Variants in CDH20 observed in about 807,000 individuals in gnomAD.
The protein encoded by CDH20 is cadherin 20.
A neutral mutation model predicts 74.2 loss-of-function variants in CDH20; 29 were observed. That is an observed-to-expected ratio of 0.39 (90% CI 0.29 to 0.53). The LOEUF (loss-of-function observed/expected upper bound fraction) is 0.53. CDH20 is among the 20% of genes least tolerant of loss of function. CDH20 has a pLI of 0.69. For missense variants in CDH20, 988 were observed against 1,048.3 expected, an observed-to-expected ratio of 0.94 and a Z score of 0.79; for synonymous variants, 469 against 405.4, an observed-to-expected ratio of 1.16 and a Z score of -1.88.
intron 1 of CDH20, among the ~76,000 whole-genome samples, chr18:61,469,645 T>G (rs1004149735): frequency 6.6e-6 from 1 of 152,212 alleles, no homozygotes; most frequent in African/African-American, 2.4e-5. Flanking sequence ...GCAGGGAGCT[T>G]GTGGCATTTT....
intron 6 of CDH20, among the ~76,000 whole-genome samples, chr18:61,509,178 C>T (rs1911690814): frequency 1.3e-5 from 2 of 152,102 alleles, no homozygotes; most frequent in African/African-American, 2.4e-5. Flanking sequence ...CACTAAAGAA[C>T]TTACTCATGT....
intron 6 of CDH20, among the ~76,000 whole-genome samples, chr18:61,517,387 C>T (rs1362729524): frequency 3.3e-5 from 5 of 152,272 alleles, no homozygotes; most frequent in South Asian, 2.1e-4. Flanking sequence ...CTGAGGTACC[C>T]GGCTCATCTC....
At position 61,434,680 on chromosome 18, in the gene CDH20, C is replaced by G. The variant is rs141941384; in HGVS notation, c.-152-55722C>G. The stretch of plus-strand genomic sequence containing the variant: ...GTGGGCTGCTCACTGTGCCTGCACC[C>G]CAAGCTCCCTGAGCCAGAACTTTCT... On this transcript the variant is annotated intron_variant, in intron 1 of 11. Transcript: ENST00000262717. 3.7e-4 allele frequency among the ~76,000 whole-genome samples: 56 copies of G among 152,102 alleles called. 1 individual carries two copies. In the East Asian group the frequency reaches 9.9e-3, roughly 27 times the overall value.
intron 1 of CDH20, among the ~76,000 whole-genome samples, chr18:61,340,715 AC>A (rs1169022014): frequency 6.6e-6 from 1 of 152,172 alleles, no homozygotes; most frequent in Non-Finnish European, 1.5e-5. Context: ...GCGTCTTTGA[AC>A]CCCTCACCAA....
chr18:61,531,481 TTTTTA>T (rs1003837168), intron 7 of CDH20, among the ~76,000 whole-genome samples: 44 of 152,258 alleles, frequency 2.9e-4, no homozygotes, highest in African/African-American at 1.0e-3. Flanking sequence ...AATCGGTGTT[TTTTTA>T]TTTTATATTA....
intron 6 of CDH20, among the ~76,000 whole-genome samples, chr18:61,521,893 A>T (rs1330374861): frequency 6.6e-6 from 1 of 152,182 alleles, no homozygotes; most frequent in Non-Finnish European, 1.5e-5. Context: ...TAAAAACTCT[A>T]AATAAACTAG....
At chr18:61,379,861 T>C (rs900481769) in intron 1 of CDH20, among the ~76,000 whole-genome samples, 7 of 152,196 alleles carry the variant, frequency 4.6e-5, no homozygotes, top group Non-Finnish European at 7.4e-5. Context: ...AGGTCTTTGA[T>C]GGTTTCATTT....
chr18:61,435,731 A>T (rs746570971), intron 1 of CDH20, among the ~76,000 whole-genome samples: 26 of 150,050 alleles, frequency 1.7e-4, no homozygotes, highest in African/African-American at 5.6e-4. Context: ...TTATAACATA[A>T]ATATAAAAAA....
At chr18:61,538,578 C>CTTTGTTTTTTTTTTCTT (rs1555684264) in intron 8 of CDH20, among the ~76,000 whole-genome samples, 1 of 34,994 alleles carries the variant, frequency 2.9e-5, no homozygotes, top group Non-Finnish European at 7.6e-5. Flanking sequence ...TAAATAACTA[C>CTTTGTTTTTTTTTTCTT]TTTTTGTTTG....
chr18:61,529,898 G>A (rs369189626), intron 7 of CDH20, among the ~76,000 whole-genome samples: 4 of 152,166 alleles, frequency 2.6e-5, no homozygotes, highest in Non-Finnish European at 4.4e-5. Context: ...GTTAGCATCA[G>A]GGAGGTTCAT....
At chr18:61,462,271 A>G (rs759222050) in intron 1 of CDH20, among the ~76,000 whole-genome samples, 2 of 152,202 alleles carry the variant, frequency 1.3e-5, no homozygotes, top group Non-Finnish European at 2.9e-5. Context: ...ACATATATCA[A>G]AACATCACCT....
intron 1 of CDH20, among the ~76,000 whole-genome samples, chr18:61,484,661 G>C (rs1910693994): frequency 6.6e-6 from 1 of 151,134 alleles, no homozygotes; most frequent in Non-Finnish European, 1.5e-5. Context: ...TTTTATTATG[G>C]GACTGACCAA....
At chr18:61,426,904 G>A (rs965921333) in intron 1 of CDH20, among the ~76,000 whole-genome samples, 1 of 152,120 alleles carries the variant, frequency 6.6e-6, no homozygotes, top group Non-Finnish European at 1.5e-5. Context: ...AGCCCTGAAC[G>A]AGGGAGCGTA....
intron 2 of CDH20, among the ~76,000 whole-genome samples, chr18:61,492,954 C>T (rs1187044951): frequency 6.6e-6 from 1 of 152,188 alleles, no homozygotes; most frequent in Non-Finnish European, 1.5e-5. Flanking sequence ...TAAGCTAATG[C>T]ATGTAAAGCA....
At chr18:61,553,542 A>G (rs558016803) in intron 11 of CDH20, among the ~76,000 whole-genome samples, 4 of 152,312 alleles carry the variant, frequency 2.6e-5, no homozygotes, top group Admixed American at 2.6e-4. Flanking sequence ...GGGTCCAGAA[A>G]GCCACAACCA....
At chr18:61,473,687 T>C (rs1480301675) in intron 1 of CDH20, among the ~76,000 whole-genome samples, 1 of 152,170 alleles carries the variant, frequency 6.6e-6, no homozygotes, top group Admixed American at 6.5e-5. Flanking sequence ...GGTATTTACA[T>C]ATCAGAAAGG....
At chr18:61,457,780 C>T (rs1455217672) in intron 1 of CDH20, among the ~76,000 whole-genome samples, 1 of 151,942 alleles carries the variant, frequency 6.6e-6, no homozygotes, top group Non-Finnish European at 1.5e-5. Context: ...TGAGGAAAAC[C>T]AAAACTTAAA....
chr18:61,539,990 G>A (rs1300484001), intron 9 of CDH20, among the ~76,000 whole-genome samples: 1 of 152,146 alleles, frequency 6.6e-6, no homozygotes. Context: ...ATATTTAGTT[G>A]ATCAAATTCT....
intron 1 of CDH20, among the ~76,000 whole-genome samples, chr18:61,441,051 A>G (rs1909013835): frequency 6.6e-6 from 1 of 152,210 alleles, no homozygotes; most frequent in South Asian, 2.1e-4. Context: ...AACAGAATAT[A>G]GTGAACATTT....
Sources: gnomAD v4.1 joint callset for allele counts (sites outside exome capture counted in the v4.1 genomes callset) on GRCh38, gnomAD v4.1.1 for gene constraint, MANE v1.5 for transcripts, NCBI Gene and HGNC (gene_info 2026-07-23, HGNC 2026-07-21) for gene names.